The following MEIS3 variants were observed in gnomAD, a reference collection of about 807,000 sequenced individuals.
MEIS3 encodes the protein homeobox protein Meis3.
In MEIS3, 38 loss-of-function variants were observed where a neutral mutation model predicts 51.4. The observed-to-expected ratio is 0.74, with a 90% CI of 0.57 to 0.97. The LOEUF is 0.97. Among genes scored for constraint, MEIS3 ranks in the 50% least tolerant of loss-of-function variants. The probability of loss-of-function intolerance (pLI) is 0.00; values close to 1 mark genes in which losing one functional copy is unlikely to be tolerated. For synonymous variants in MEIS3, 198 were observed against 201.8 expected (o/e 0.98, Z 0.16); for missense variants, 456 against 502.6 (o/e 0.91, Z 0.89).
intron 11 of MEIS3, 73 bp from the exon 12 acceptor site, chr19:47,406,599 C>G: frequency 7.1e-7 from 1 of 1,401,996 alleles, no homozygotes; most frequent in Non-Finnish European, 1.0e-6. Flanking sequence ...GTCTCCCTCA[C>G]CCCTTCCTAC....
In MEIS3 at chr19:47,409,175, C is replaced by A. The variant is rs200469376; in HGVS notation, c.782G>T (p.Arg261Leu). 1.2e-6 allele frequency: 2 copies of A among 1,612,820 alleles called. No homozygotes were observed. The highest frequency in any genetic ancestry group is 1.7e-6 in the Non-Finnish European group (2 of 1,180,010). The change falls in exon 8 of 13, where the codon CGG becomes CTG. Residue 261 changes from arginine (R) to leucine (L), a missense_variant. Coordinates refer to ENST00000558555, the MANE Select transcript of MEIS3 (RefSeq NM_001301059.2). Reference sequence around the variant, plus strand: ...GAAGATCCCCCTCTTCTTGTTTCGCCGTCGCTCCTGGTCCAAGTCCTCATC... The same window carrying A: ...GAAGATCCCCCTCTTCTTGTTTCGCAGTCGCTCCTGGTCCAAGTCCTCATC... The part of the protein sequence containing the change: ...GEDEDLDQER[R>L]RNKKRGIFPK...
rs1568431054 is a variant in MEIS3 at position 47,417,761 on chromosome 19, G to C, written c.13-411C>G. 8 of 649,912 alleles carry C rather than the reference G, an allele frequency of 1.2e-5. 1 individual carries two copies. In the East Asian group the frequency reaches 2.2e-4, roughly 18 times the overall value. The allele number at this position is 649,912 out of a possible 1,614,324, so 40.3% of individuals were successfully genotyped here. On this transcript the variant is annotated intron_variant, in intron 1 of 12. Coordinates refer to ENST00000558555, the MANE Select transcript of MEIS3 (RefSeq NM_001301059.2). Reference sequence around the variant, plus strand: ...CAAAGTACACATACGAAGCCTCCCTGTCTTCTATTTCATTTCACAGTTGGC... The same window carrying C: ...CAAAGTACACATACGAAGCCTCCCTCTCTTCTATTTCATTTCACAGTTGGC...
At chr19:47,417,372 A>T (rs781531059) in intron 1 of MEIS3, 22 bp from the exon 2 acceptor site, 1 of 1,612,728 alleles carries the variant, frequency 6.2e-7, no homozygotes, top group South Asian at 1.1e-5. Flanking sequence ...TGAGAAGAGA[A>T]GGGCGGAGCC....
rs1419221559 is a variant in MEIS3, at chr19:47,407,061, C to G, written c.994+18G>C. 1.9e-6 allele frequency: 3 copies of G among 1,606,164 alleles called. No homozygotes were observed. On this transcript the variant is annotated intron_variant, in intron 10 of 12. Transcript: ENST00000558555. The stretch of plus-strand genomic sequence containing the variant: ...TCCTAAGAACCCCAGGCTCTCCGTC[C>G]CCGCCTTCCCCCTGTACCTGTGCGG...
upstream of MEIS3, among the ~76,000 whole-genome samples, chr19:47,421,114 T>C (rs1347218407): frequency 6.6e-6 from 1 of 151,970 alleles, no homozygotes; most frequent in Non-Finnish European, 1.5e-5. Flanking sequence ...GAGGGTGTGC[T>C]TGGGCCTCCC....
intron 8 of MEIS3, chr19:47,407,682 C>G: frequency 1.2e-6 from 1 of 822,080 alleles, no homozygotes; most frequent in Non-Finnish European, 1.7e-6. Context: ...ATTAGAGAGA[C>G]TGTGTTGGGG....
At position 47,406,468 on chromosome 19, in the gene MEIS3, C is replaced by A. The variant is rs376228035; in HGVS notation, c.*9G>T. On this transcript the variant is annotated 3_prime_UTR_variant, in exon 12 of 13. Coordinates refer to ENST00000558555, the MANE Select transcript of MEIS3 (RefSeq NM_001301059.2). The stretch of plus-strand genomic sequence containing the variant: ...CCCTTAGACCCTCACACCTCTCCTG[C>A]ATCAGCCTCTATAGATAATGCCATT... 3.3e-5 allele frequency: 53 copies of A among 1,613,320 alleles called. No homozygotes were observed. The highest frequency in any genetic ancestry group is 3.9e-5 in the Non-Finnish European group (46 of 1,179,670).
rs547551383 is a variant in MEIS3, at chr19:47,413,543, C to T, written c.597+1174G>A. ...GCCAGGTGTGTTCACAGTAGGATTG[C>T]CTGAGTGTGGCTCTCATGCGACTTC... is the stretch of plus-strand genomic sequence containing the variant. On this transcript the variant is annotated intron_variant, in intron 6 of 12. Coordinates refer to ENST00000558555, the MANE Select transcript of MEIS3 (RefSeq NM_001301059.2). 1.1e-4 allele frequency among the ~76,000 whole-genome samples: 16 copies of T among 152,066 alleles called. No homozygotes were observed. The South Asian group carries it at 3.3e-3, about 32-fold the overall frequency.
chr19:47,417,461 CAG>C, intron 1 of MEIS3, 111 bp from the exon 2 acceptor site: 1 of 1,323,206 alleles, frequency 7.6e-7, no homozygotes, highest in African/African-American at 1.5e-5. Flanking sequence ...TTCTGTGTCC[CAG>C]AAACCTGCCT....
rs750236177 is a variant in MEIS3, at chr19:47,414,782, G to C, written c.532C>G (p.Arg178Gly). 1 of 1,613,588 alleles carries C rather than the reference G, an allele frequency of 6.2e-7. No individual in the cohort carries two copies. Among genetic ancestry groups the C allele is most frequent in the East Asian group, 2.2e-5 (1 of 44,866 alleles). Residue 178 changes from arginine (R) to glycine (G), a missense_variant, in exon 6 of 13, where the codon CGG becomes GGG. Physicochemically the swap from Arg to Gly is moderately radical, Grantham distance 125. Transcript: ENST00000558555. ...AAGTCCTCCCTGCAGCCGCCGTCCC[G>C]ATCCTCGATGACCAGGTCGATGGGC... ...KMPIDLVIED[R>G]DGGCREDFED...
intron 12 of MEIS3, among the ~76,000 whole-genome samples, chr19:47,404,632 G>T (rs1970734431): frequency 6.6e-6 from 1 of 152,036 alleles, no homozygotes; most frequent in African/African-American, 2.4e-5. Flanking sequence ...CCATTCTGCT[G>T]GTCTCACCTC....
chr19:47,407,493 G>A (rs777163686), intron 8 of MEIS3, 65 bp from the exon 9 acceptor site: 6 of 1,611,928 alleles, frequency 3.7e-6, no homozygotes, highest in Non-Finnish European at 5.1e-6. Flanking sequence ...CCAAGGTCTG[G>A]CCCACCGGGG....
intron 8 of MEIS3, 47 bp downstream of exon 8, chr19:47,409,052 C>A: frequency 5.0e-6 from 8 of 1,595,650 alleles, no homozygotes; most frequent in Non-Finnish European, 6.8e-6. Context: ...GTCCACCCTT[C>A]TCCCTCTCTC....
intron 6 of MEIS3, among the ~76,000 whole-genome samples, chr19:47,411,330 A>G (rs1346894756): frequency 6.6e-6 from 1 of 152,112 alleles, no homozygotes; most frequent in Non-Finnish European, 1.5e-5. Flanking sequence ...CATCAAACTC[A>G]TGAACATTTC....
chr19:47,417,838 C>T (rs1382686458), intron 1 of MEIS3: 6 of 609,892 alleles, frequency 9.8e-6, no homozygotes, highest in African/African-American at 3.7e-5. Flanking sequence ...CCACTCGCCA[C>T]GTGAATCTAC....
In MEIS3 at chr19:47,409,458, A is replaced by G; in HGVS notation, c.687T>C (p.Ser229=). ...GPSSGGLASQ[S]GDNSSDQGDG... ...CACCTTGGTCACTGGAGTTGTCCCC[A>G]CTCTGGGAGGCCAGGCCCCCACTGG... Residue 229 remains serine, a synonymous_variant, in exon 7 of 13, where the codon AGT becomes AGC. Transcript: ENST00000558555. 13 of 1,613,622 alleles carry G rather than the reference A, an allele frequency of 8.1e-6. No homozygotes were observed. The highest frequency in any genetic ancestry group is 1.1e-5 in the Non-Finnish European group (13 of 1,179,746).
rs1457180331 is a variant in MEIS3 at position 47,409,031 on chromosome 19, C to T, written c.858+68G>A. The T allele has an allele frequency of 9.0e-6, 14 of 1,548,768 alleles. No individual in the cohort carries two copies. In the East Asian group the frequency reaches 1.8e-4, roughly 20 times the overall value. ...CCACTTCTGGGTTTCTCTGGGGTTT[C>T]GGTCTCTGTGGTCCACCCTTCTCCC... On this transcript the variant is annotated intron_variant, in intron 8 of 12. Transcript: ENST00000558555.
In MEIS3 at chr19:47,416,569, C is replaced by T. The variant is rs554746076; in HGVS notation, c.396+83G>A. 23 of 1,087,222 alleles carry T rather than the reference C, an allele frequency of 2.1e-5. No individual in the cohort carries two copies. In the East Asian group the frequency reaches 5.3e-4, roughly 25 times the overall value. 67.3% of individuals were successfully genotyped at this position (1,087,222 alleles called of 1,614,324 possible). On this transcript the variant is annotated intron_variant, in intron 4 of 12. Coordinates refer to ENST00000558555, the MANE Select transcript of MEIS3 (RefSeq NM_001301059.2). ...TGGACCAGGTGGCCTTCTCTCTGCA[C>T]CCCCCCCACCAACCCCAGGGATGGG...
At chr19:47,420,952 T>A (rs1353857817), upstream of MEIS3, among the ~76,000 whole-genome samples, 2,843 of 132,370 alleles carry the variant, frequency 0.021, 41 homozygotes, top group Admixed American at 0.058. Flanking sequence ...TCTCTCTCTC[T>A]CTCTCTCTCT....
Sources: allele counts gnomAD v4.1 joint callset (sites outside exome capture counted in the v4.1 genomes callset), GRCh38; gene constraint gnomAD v4.1.1; transcripts MANE v1.5; gene names NCBI Gene and HGNC (gene_info 2026-07-23, HGNC 2026-07-21).